COA6: variants seen among roughly 807,000 people sequenced by gnomAD.
COA6 encodes cytochrome c oxidase assembly factor 6.
Under a neutral mutation model 17.1 loss-of-function variants are expected in COA6, and 12 were observed. The observed-to-expected ratio is 0.70, with a 90% CI of 0.45 to 1.14. The LOEUF is 1.14. Ranked by LOEUF, COA6 falls within the 50% of genes most tolerant of loss-of-function variation. COA6 has a pLI of 0.00. For synonymous variants in COA6, 90 were observed against 73.4 expected (o/e 1.23, Z -1.16); for missense variants, 246 against 196.5 (o/e 1.25, Z -1.51).
chr1:234,384,031 C>A lies in COA6; in HGVS notation c.*213C>A. 4.8e-6 allele frequency: 2 copies of A among 416,954 alleles called. 1 individual carries two copies. 25.8% of individuals were successfully genotyped at this position (416,954 alleles called of 1,614,324 possible). A position where few individuals can be genotyped will look rare whatever the true frequency, so the allele number is the denominator to read the frequency against. On this transcript the variant is annotated 3_prime_UTR_variant, in exon 3 of 3. Coordinates refer to ENST00000366615, the MANE Select transcript of COA6 (RefSeq NM_001206641.3). ...CTCTATTTTAAGAAAAAAAGTAAAA[C>A]CTGTTATAAACACATGCACTTTTGT...
intron 2 of COA6, among the ~76,000 whole-genome samples, chr1:234,375,162 A>G (rs1377134056): frequency 4.7e-5 from 7 of 149,562 alleles, no homozygotes; most frequent in Non-Finnish European, 7.4e-5. Flanking sequence ...ATAGCTGGGC[A>G]TGGTGGCACA....
In COA6 at chr1:234,383,796, C is replaced by T; in HGVS notation, c.446C>T (p.Ser149Leu). The change falls in exon 3 of 3, where the codon TCA (serine) becomes TTA (leucine). Residue 149 changes from serine to leucine, a missense_variant. Coordinates refer to ENST00000366615, the MANE Select transcript of COA6 (RefSeq NM_001206641.3). ...EKFEAGQFEPSETTAKS is the reference protein window; with the variant it reads ...EKFEAGQFEPLETTAKS ...TTTGAAGCAGGACAATTTGAGCCTT[C>T]AGAAACAACTGCAAAATCCTAGGCT... 6.4e-7 allele frequency: 1 copy of T among 1,574,366 alleles called. No homozygotes were observed. Among genetic ancestry groups the T allele is most frequent in the Non-Finnish European group, 8.7e-7 (1 of 1,147,328 alleles).
rs1352817331 is a variant in COA6 at position 234,374,401 on chromosome 1, T to A, written c.372+12T>A. ...GTCCCCAACAGTGGGTAAGTCACAC[T>A]TTGATGTGTTTCTCTTCCCTGTTAA... On this transcript the variant is annotated intron_variant, in intron 2 of 2. Transcript: ENST00000366615. 4 of 1,613,488 alleles carry A rather than the reference T, an allele frequency of 2.5e-6. No individual in the cohort carries two copies. Among genetic ancestry groups the A allele is most frequent in the Non-Finnish European group, 3.4e-6 (4 of 1,179,764 alleles).
chr1:234,380,013 A>G (rs563297254), intron 2 of COA6, among the ~76,000 whole-genome samples: 7 of 152,340 alleles, frequency 4.6e-5, no homozygotes, highest in South Asian at 4.1e-4. Context: ...AGCAGGTAGT[A>G]TAGTAAATTA....
chr1:234,377,422 G>T (rs1055467018), intron 2 of COA6, among the ~76,000 whole-genome samples: 5 of 152,078 alleles, frequency 3.3e-5, no homozygotes, highest in Non-Finnish European at 5.9e-5. Context: ...ACTGCACCCG[G>T]CTCTTCCTCT....
At chr1:234,378,180 G>GA (rs568726469) in intron 2 of COA6, among the ~76,000 whole-genome samples, 69 of 152,082 alleles carry the variant, frequency 4.5e-4, no homozygotes, top group East Asian at 2.3e-3. Context: ...GAATGATAGA[G>GA]AAAAAAAATC....
At chr1:234,377,094 G>A (rs1658824949) in intron 2 of COA6, among the ~76,000 whole-genome samples, 1 of 64,222 alleles carries the variant, frequency 1.6e-5, no homozygotes, top group East Asian at 5.3e-4. Context: ...GAGAGAGAGA[G>A]AGAGAGATCC....
intron 2 of COA6, among the ~76,000 whole-genome samples, chr1:234,377,061 AG>A (rs1558124835): frequency 4.1e-5 from 1 of 24,546 alleles, no homozygotes; most frequent in Non-Finnish European, 1.0e-4. Context: ...TGTGTTGCCG[AG>A]AGAGAGAGAG....
Position 234,374,335 on chromosome 1 carries a change from T to G in COA6, c.318T>G (p.Ala106=). The G allele has an allele frequency of 6.2e-7, 1 of 1,614,134 alleles. No homozygotes were observed. Among genetic ancestry groups the G allele is most frequent in the Non-Finnish European group, 8.5e-7 (1 of 1,180,026 alleles). Residue 106 remains alanine, a synonymous_variant, in exon 2 of 3, where the codon GCT becomes GCG. Coordinates refer to ENST00000366615, the MANE Select transcript of COA6 (RefSeq NM_001206641.3). ...GTTTAGATGAGAACTTAGAGGATGC[T>G]TCTCAATGCAAGAAGTTAAGAAGCT... is the stretch of plus-strand genomic sequence containing the variant. The part of the protein sequence containing the change: ...WKCLDENLED[A]SQCKKLRSSF...
intron 2 of COA6, among the ~76,000 whole-genome samples, chr1:234,378,109 C>T (rs1238977369): frequency 1.3e-5 from 2 of 152,160 alleles, no homozygotes; most frequent in Admixed American, 6.5e-5. Flanking sequence ...AGTACATTCA[C>T]GTGTTTTGTA....
Position 234,373,622 on chromosome 1 carries a change from C to G in COA6, c.156C>G (p.Cys52Trp), listed in dbSNP as rs1346128412. Residue 52 changes from cysteine (C) to tryptophan (W), a missense_variant, in exon 1 of 3, where the codon TGC becomes TGG. Cys to Trp is a radical substitution (Grantham distance 215). Transcript: ENST00000366615. ...HRALHRRLVA[C>W]VTVSSRRHRK... Reference sequence around the variant, plus strand: ...CCCTCCACCGCCGGTTGGTGGCCTGCGTGACAGTTTCCTCCCGTCGACATC... The same window carrying G: ...CCCTCCACCGCCGGTTGGTGGCCTGGGTGACAGTTTCCTCCCGTCGACATC... 6.2e-7 allele frequency: 1 copy of G among 1,612,956 alleles called. No individual in the cohort carries two copies. Among genetic ancestry groups the G allele is most frequent in the Non-Finnish European group, 8.5e-7 (1 of 1,179,684 alleles).
chr1:234,383,070 AG>A (rs1659024573), intron 2 of COA6, among the ~76,000 whole-genome samples: 1 of 88,406 alleles, frequency 1.1e-5, no homozygotes, highest in African/African-American at 4.3e-5. Flanking sequence ...GAGGGAGGGA[AG>A]GGAATGGAAG....
chr1:234,377,062 G>GAGAGAGAGAGAGAA (rs1658822750), intron 2 of COA6, among the ~76,000 whole-genome samples: 1 of 32,288 alleles, frequency 3.1e-5, no homozygotes, highest in South Asian at 1.7e-3. Context: ...GTGTTGCCGA[G>GAGAGAGAGAGAGAA]AGAGAGAGAG....
At chr1:234,373,863 C>G in intron 1 of COA6, 185 bp downstream of exon 1, 1 of 1,608,484 alleles carries the variant, frequency 6.2e-7, no homozygotes, top group Non-Finnish European at 8.5e-7. Flanking sequence ...ACCCTGTAAA[C>G]TAGGCACTGC....
intron 2 of COA6, among the ~76,000 whole-genome samples, chr1:234,382,064 C>G (rs1307503301): frequency 6.6e-6 from 1 of 152,132 alleles, no homozygotes; most frequent in Non-Finnish European, 1.5e-5. Flanking sequence ...GACCACACAC[C>G]AGAGAACTGT....
At chr1:234,379,422 C>T (rs1658905630) in intron 2 of COA6, among the ~76,000 whole-genome samples, 1 of 152,030 alleles carries the variant, frequency 6.6e-6, no homozygotes, top group Admixed American at 6.6e-5. Flanking sequence ...AGCTTTGATC[C>T]TGGGAGTAAG....
chr1:234,374,249 G>A lies in COA6; in HGVS notation c.232G>A (p.Ala78Thr), dbSNP rs367973743. The change falls in exon 2 of 3, where the codon GCA (alanine) becomes ACA (threonine). Residue 78 changes from alanine (A) to threonine (T), a missense_variant. Transcript: ENST00000366615. ...CAACAGCTTCATCGCAGTAGGAATGGCAGCCCCATCTATGAAGGAAAGACA... is the reference window on the plus strand; with the variant it reads ...CAACAGCTTCATCGCAGTAGGAATGACAGCCCCATCTATGAAGGAAAGACA... ...RAESFIAVGM[A>T]APSMKERQVC... is the part of the protein sequence containing the mutation. 1.9e-6 allele frequency: 3 copies of A among 1,612,698 alleles called. No homozygotes were observed. The highest frequency in any genetic ancestry group is 2.5e-6 in the Non-Finnish European group (3 of 1,179,690).
At chr1:234,374,623 A>G (rs1658730946) in intron 2 of COA6, among the ~76,000 whole-genome samples, 1 of 152,182 alleles carries the variant, frequency 6.6e-6, no homozygotes, top group African/African-American at 2.4e-5. Flanking sequence ...CAAACATATG[A>G]ACAGTAACCA....
chr1:234,382,657 T>C (rs1659008789), intron 2 of COA6, among the ~76,000 whole-genome samples: 1 of 152,180 alleles, frequency 6.6e-6, no homozygotes, highest in South Asian at 2.1e-4. Context: ...AGAAAGGCTT[T>C]TAACAAAAGA....
Sources: allele counts gnomAD v4.1 joint callset (sites outside exome capture counted in the v4.1 genomes callset), GRCh38; gene constraint gnomAD v4.1.1; transcripts MANE v1.5; gene names NCBI Gene and HGNC (gene_info 2026-07-23, HGNC 2026-07-21).